The following GAPVD1 variants were observed in gnomAD, a reference collection of about 807,000 sequenced individuals.
GAPVD1 encodes GTPase activating protein and VPS9 domains 1.
A neutral mutation model predicts 155.5 loss-of-function variants in GAPVD1; 35 were observed. The observed-to-expected ratio is 0.23, with a 90% confidence interval of 0.17 to 0.30. The LOEUF (loss-of-function observed/expected upper bound fraction) is 0.30, where lower values mean the gene tolerates loss of function less well. GAPVD1 is among the 10% of genes least tolerant of loss of function. The probability of loss-of-function intolerance (pLI) is 1.00; values close to 1 mark genes in which losing one functional copy is unlikely to be tolerated. For missense variants in GAPVD1, 1,429 were observed against 1,775.7 expected (o/e 0.80, Z 3.51); for synonymous variants, 636 against 619.7 (o/e 1.03, Z -0.39).
chr9:125,318,820 C>T (rs555067258), intron 9 of GAPVD1, among the ~76,000 whole-genome samples: 2 of 151,858 alleles, frequency 1.3e-5, no homozygotes, highest in South Asian at 2.1e-4. Context: ...GAGGCTGAGG[C>T]AGAAGGATCC....
At chr9:125,306,224 C>T (rs951050956) in intron 6 of GAPVD1, among the ~76,000 whole-genome samples, 2 of 151,866 alleles carry the variant, frequency 1.3e-5, no homozygotes, top group African/African-American at 2.4e-5. Context: ...AGTGCAGTGG[C>T]GTGATCTCGG....
chr9:125,268,414 A>G (rs1005300646), intron 1 of GAPVD1, among the ~76,000 whole-genome samples: 117 of 152,030 alleles, frequency 7.7e-4, no homozygotes, highest in Non-Finnish European at 3.4e-4. Flanking sequence ...TTGTTGGTGC[A>G]ACTAACAATA....
chr9:125,323,772 T>C lies in GAPVD1; in HGVS notation c.1733-26T>C, dbSNP rs750359976. 5 of 1,612,392 alleles carry C rather than the reference T, an allele frequency of 3.1e-6. No individual in the cohort carries two copies. In the Admixed American group the frequency reaches 8.3e-5, roughly 27 times the overall value. On this transcript the variant is annotated intron_variant, in intron 10 of 27. Transcript: ENST00000297933. ...TGGCTCATGACTGTTTTAAAAAGAT[T>C]GCTCACACTATAAACATTTCTCTAG...
intron 4 of GAPVD1, among the ~76,000 whole-genome samples, chr9:125,300,639 AG>A (rs1322312806): frequency 6.6e-6 from 1 of 152,026 alleles, no homozygotes. Context: ...TGGGCTTGAG[AG>A]GGTGGTATTG....
chr9:125,330,675 T>C (rs917229659), intron 13 of GAPVD1, among the ~76,000 whole-genome samples: 2 of 152,162 alleles, frequency 1.3e-5, no homozygotes, highest in Non-Finnish European at 2.9e-5. Context: ...AATGGAAAAT[T>C]AGTTTAGGGC....
intron 2 of GAPVD1, chr9:125,287,989 C>G (rs1006631623): frequency 2.0e-5 from 3 of 152,136 alleles, no homozygotes; most frequent in African/African-American, 7.2e-5. Flanking sequence ...ATCCGCCTGT[C>G]TTGGCCTCCC....
chr9:125,331,896 A>G (rs780712941), intron 13 of GAPVD1, 30 bp from the exon 14 acceptor site: 31 of 1,611,380 alleles, frequency 1.9e-5, no homozygotes, highest in Non-Finnish European at 2.5e-5. Flanking sequence ...GAGAATCACA[A>G]ATGTAACATA....
chr9:125,301,147 G>A (rs1840790235), intron 4 of GAPVD1, among the ~76,000 whole-genome samples: 1 of 151,594 alleles, frequency 6.6e-6, no homozygotes, highest in Non-Finnish European at 1.5e-5. Context: ...TTGAGTCACT[G>A]CTGTCTCAAG....
chr9:125,268,495 G>GTTTTTTTTT (rs911483935), intron 1 of GAPVD1, among the ~76,000 whole-genome samples: 1 of 89,162 alleles, frequency 1.1e-5, no homozygotes, highest in East Asian at 3.1e-4. Context: ...CCCTAACATT[G>GTTTTTTTTT]TTTTTTTTTT....
Position 125,348,801 on chromosome 9 carries a change from C to T in GAPVD1, c.3170-589C>T, listed in dbSNP as rs573019704. The stretch of plus-strand genomic sequence containing the variant: ...TGCTGGGATTACAGGTGTGAGGCAC[C>T]GCACCCAGCCGTGTATTCTTGATTA... On this transcript the variant is annotated intron_variant, in intron 20 of 27. Coordinates refer to ENST00000297933, the MANE Select transcript of GAPVD1 (RefSeq NM_001282680.3). 1.2e-3 allele frequency among the ~76,000 whole-genome samples: 189 copies of T among 152,270 alleles called. 1 individual carries two copies. The highest frequency in any genetic ancestry group is 1.4e-3 in the Non-Finnish European group (93 of 68,030).
At chr9:125,300,423 G>GC (rs1840686269) in intron 4 of GAPVD1, among the ~76,000 whole-genome samples, 1 of 151,566 alleles carries the variant, frequency 6.6e-6, no homozygotes, top group African/African-American at 2.4e-5. Flanking sequence ...CTCGCAGTCT[G>GC]CCCCCTCGGC....
chr9:125,284,123 G>T (rs916693115), intron 2 of GAPVD1, among the ~76,000 whole-genome samples: 1 of 148,442 alleles, frequency 6.7e-6, no homozygotes, highest in Admixed American at 6.8e-5. Flanking sequence ...TGATCCACCC[G>T]CCTTGGCCTC....
intron 3 of GAPVD1, among the ~76,000 whole-genome samples, chr9:125,298,632 G>A (rs1438387475): frequency 6.6e-6 from 1 of 151,736 alleles, no homozygotes; most frequent in Admixed American, 6.6e-5. Context: ...GGGACTACAG[G>A]CGCGCCCCAC....
chr9:125,272,093 G>C (rs998366924), intron 2 of GAPVD1, among the ~76,000 whole-genome samples: 3 of 151,576 alleles, frequency 2.0e-5, no homozygotes, highest in Non-Finnish European at 4.4e-5. Context: ...GCATGATCTC[G>C]GCTCACTTCA....
At chr9:125,307,245 G>T (rs933572604) in intron 6 of GAPVD1, among the ~76,000 whole-genome samples, 168 bp from the exon 7 acceptor site, 2 of 150,058 alleles carry the variant, frequency 1.3e-5, no homozygotes, top group African/African-American at 2.5e-5. Flanking sequence ...TTCCAGCCTG[G>T]GTAAAAGAGT....
rs1394794495 is a variant in GAPVD1 at position 125,364,697 on chromosome 9, G to A, written c.*1951G>A. 1 of 152,506 alleles carries A rather than the reference G, an allele frequency of 6.6e-6. No homozygotes were observed. The highest frequency in any genetic ancestry group is 1.5e-5 in the Non-Finnish European group (1 of 68,040). 9.4% of individuals were successfully genotyped at this position (152,506 alleles called of 1,614,324 possible). ...CTATGAAATGTCCTTTTGAATGTTAGGTCAAGAAATCCATGTACAGAGTCG... is the reference window on the plus strand; with the variant it reads ...CTATGAAATGTCCTTTTGAATGTTAAGTCAAGAAATCCATGTACAGAGTCG... On this transcript the variant is annotated 3_prime_UTR_variant, in exon 28 of 28. Transcript: ENST00000297933.
At chr9:125,361,404 A>T (rs762912792) in intron 27 of GAPVD1, among the ~76,000 whole-genome samples, 1 of 152,032 alleles carries the variant, frequency 6.6e-6, no homozygotes, top group Non-Finnish European at 1.5e-5. Flanking sequence ...GGCTCCTGTA[A>T]TCGCAGCTAC....
intron 13 of GAPVD1, among the ~76,000 whole-genome samples, chr9:125,331,602 CT>C (rs1456437623): frequency 6.6e-6 from 1 of 152,160 alleles, no homozygotes; most frequent in Non-Finnish European, 1.5e-5. Context: ...ATAGGAGTTA[CT>C]TTTTAGGAAG....
chr9:125,276,729 G>A (rs957966520), intron 2 of GAPVD1, among the ~76,000 whole-genome samples: 3 of 152,108 alleles, frequency 2.0e-5, no homozygotes, highest in Non-Finnish European at 2.9e-5. Context: ...ATTGGAATGT[G>A]AGAAGATATT....
Sources: gnomAD v4.1 joint callset for allele counts (sites outside exome capture counted in the v4.1 genomes callset) on GRCh38, gnomAD v4.1.1 for gene constraint, MANE v1.5 for transcripts, NCBI Gene and HGNC (gene_info 2026-07-23, HGNC 2026-07-21) for gene names.